The following FAM135A variants were observed in gnomAD, a reference collection of about 807,000 sequenced individuals.
FAM135A encodes family with sequence similarity 135 member A.
In FAM135A, 79 loss-of-function variants were observed where a neutral mutation model predicts 146.8. The ratio of observed to expected loss-of-function variants is 0.54; its 90% CI spans 0.45 to 0.65. The LOEUF (loss-of-function observed/expected upper bound fraction) is 0.65. Among genes scored for constraint, FAM135A ranks in the 30% least tolerant of loss-of-function variants. The pLI is 0.00. For missense variants in FAM135A, 1,623 were observed against 1,758.2 expected (o/e 0.92, Z 1.38); for synonymous variants, 562 against 603.6 (o/e 0.93, Z 1.01).
intron 5 of FAM135A, among the ~76,000 whole-genome samples, chr6:70,473,958 C>A (rs1274793506): frequency 6.6e-6 from 1 of 152,122 alleles, no homozygotes; most frequent in Non-Finnish European, 1.5e-5. Flanking sequence ...CTTGTGGTTG[C>A]CCTGTTCATC....
intron 4 of FAM135A, among the ~76,000 whole-genome samples, chr6:70,431,012 T>C (rs1383742987): frequency 3.3e-5 from 5 of 152,194 alleles, no homozygotes. Context: ...TAGTGTAAGA[T>C]AGCATATTAC....
intron 2 of FAM135A, chr6:70,417,666 G>A (rs1330743950): frequency 2.0e-6 from 2 of 978,656 alleles, no homozygotes; most frequent in Non-Finnish European, 2.4e-6. Flanking sequence ...TTAGAGCAGT[G>A]TTAACTATGA....
intron 4 of FAM135A, among the ~76,000 whole-genome samples, chr6:70,432,027 A>G (rs1490914789): frequency 2.6e-5 from 4 of 152,124 alleles, no homozygotes; most frequent in Non-Finnish European, 4.4e-5. Flanking sequence ...ATGTGAAATC[A>G]CTTTGCTTAA....
In FAM135A at chr6:70,481,871, ACAT is replaced by A. The variant is rs1383251370; in HGVS notation, c.670-129_670-127del. 4.6e-6 allele frequency: 4 copies of A among 862,076 alleles called. No individual in the cohort carries two copies. The African/African-American group carries it at 7.1e-5, about 15-fold the overall frequency. 53.4% of individuals were successfully genotyped at this position (862,076 alleles called of 1,614,324 possible). A position where few individuals can be genotyped will look rare whatever the true frequency, so the allele number is the denominator to read the frequency against. On this transcript the variant is annotated intron_variant, in intron 9 of 21. Coordinates refer to ENST00000418814, the MANE Select transcript of FAM135A (RefSeq NM_001162529.3). ...GTATAAACAACTCTCAAATATTACC[ACAT>A]TTTTTATATGTATTAGAATAAATTT...
At chr6:70,457,420 A>G (rs770526698) in intron 5 of FAM135A, among the ~76,000 whole-genome samples, 5 of 152,236 alleles carry the variant, frequency 3.3e-5, no homozygotes, top group Non-Finnish European at 5.9e-5. Flanking sequence ...TGCATTAACA[A>G]TGTGAATATT....
intron 8 of FAM135A, among the ~76,000 whole-genome samples, chr6:70,479,694 G>C (rs944850719): frequency 5.3e-5 from 8 of 151,562 alleles, no homozygotes; most frequent in African/African-American, 1.7e-4. Context: ...ATTATTGGTG[G>C]GTTTTTTTAT....
intron 5 of FAM135A, 82 bp downstream of exon 5, chr6:70,452,653 A>C: frequency 3.7e-5 from 34 of 925,328 alleles, no homozygotes; most frequent in Non-Finnish European, 5.2e-5. Flanking sequence ...TTACAGATAT[A>C]AGATACCTGT....
chr6:70,473,272 C>A (rs933255616), intron 5 of FAM135A, among the ~76,000 whole-genome samples: 1 of 152,152 alleles, frequency 6.6e-6, no homozygotes, highest in Non-Finnish European at 1.5e-5. Flanking sequence ...TTGGAACCAA[C>A]CATTTCTACA....
At chr6:70,528,509 GATCTC>G (rs1288462511) in intron 16 of FAM135A, 57 bp downstream of exon 16, 16 of 1,371,946 alleles carry the variant, frequency 1.2e-5, no homozygotes, top group Middle Eastern at 3.9e-4. Flanking sequence ...TTTCCTAATA[GATCTC>G]ATTTAGTTTC....
At chr6:70,510,066 G>A (rs867209207) in intron 12 of FAM135A, among the ~76,000 whole-genome samples, 1 of 151,958 alleles carries the variant, frequency 6.6e-6, no homozygotes, top group Non-Finnish European at 1.5e-5. Flanking sequence ...AAGAGAACAT[G>A]CCATTTGCTG....
intron 10 of FAM135A, among the ~76,000 whole-genome samples, chr6:70,487,083 C>CAAAAAAAAA (rs34560435): frequency 9.9e-5 from 4 of 40,606 alleles, no homozygotes; most frequent in African/African-American, 2.3e-4. Context: ...ACTCCCATCT[C>CAAAAAAAAA]AAAAAAAAAA....
chr6:70,419,306 C>A (rs1292448924), intron 2 of FAM135A, among the ~76,000 whole-genome samples: 1 of 152,108 alleles, frequency 6.6e-6, no homozygotes, highest in Non-Finnish European at 1.5e-5. Context: ...GTAGTCCCAG[C>A]TGCTTGGGAG....
chr6:70,507,612 A>T (rs1790081435), intron 12 of FAM135A, among the ~76,000 whole-genome samples: 3 of 152,186 alleles, frequency 2.0e-5, no homozygotes, highest in Admixed American at 2.0e-4. Context: ...TACTGGTTCA[A>T]CTATATTATT....
At chr6:70,455,484 A>G (rs1408315877) in intron 5 of FAM135A, among the ~76,000 whole-genome samples, 1 of 152,180 alleles carries the variant, frequency 6.6e-6, no homozygotes, top group Non-Finnish European at 1.5e-5. Flanking sequence ...AAAATGAAAA[A>G]GAATTTATTC....
intron 12 of FAM135A, among the ~76,000 whole-genome samples, chr6:70,506,741 T>C (rs1789860433): frequency 6.6e-6 from 1 of 151,120 alleles, no homozygotes; most frequent in Non-Finnish European, 1.5e-5. Context: ...GTTTTTTCTT[T>C]TTTTTTTTTT....
chr6:70,471,660 C>T (rs1781638795), intron 5 of FAM135A, among the ~76,000 whole-genome samples: 1 of 152,110 alleles, frequency 6.6e-6, no homozygotes. Flanking sequence ...TGCAGCAAAC[C>T]ACCATGCACA....
Position 70,450,288 on chromosome 6 carries a change from CTA to C in FAM135A, c.78-2202_78-2201del, listed in dbSNP as rs1265788666. On this transcript the variant is annotated intron_variant, in intron 4 of 21. Transcript: ENST00000418814. Reference sequence around the variant, plus strand: ...TTTAATTTGGCGTAATCTTATTTGTCTATGTTTGCTTTTGTTGCCTATGTTTT... The same window carrying C: ...TTTAATTTGGCGTAATCTTATTTGTCTGTTTGCTTTTGTTGCCTATGTTTT... Among the ~76,000 whole-genome samples, 12 of 152,022 alleles carry C rather than the reference CTA, an allele frequency of 7.9e-5. No homozygotes were observed. In the East Asian group the frequency reaches 1.9e-3, roughly 24 times the overall value.
Position 70,428,463 on chromosome 6 carries a change from A to G in FAM135A, c.77+44A>G, listed in dbSNP as rs755734178. On this transcript the variant is annotated intron_variant, in intron 4 of 21. Transcript: ENST00000418814. ...AAATGATATATTTTGCATAAGATGT[A>G]CAGTTTAAATTTAAATTTAATTACA... 62 of 1,354,360 alleles carry G rather than the reference A, an allele frequency of 4.6e-5. 1 individual carries two copies. In the South Asian group the frequency reaches 8.3e-4, roughly 18 times the overall value. 83.9% of individuals were successfully genotyped at this position (1,354,360 alleles called of 1,614,324 possible).
chr6:70,524,443 T>C lies in FAM135A; in HGVS notation c.1359T>C (p.Ser453=). The change falls in exon 15 of 22, where the codon TCT becomes TCC. Residue 453 remains serine, a synonymous_variant. Transcript: ENST00000418814. The part of the protein sequence containing the change: ...ETEESSVAGL[S]SPELKVRPAG... ...AAGAAAGCTCTGTAGCAGGACTTTC[T>C]AGCCCAGAGTTGAAAGTCAGACCTG... 6.5e-7 allele frequency: 1 copy of C among 1,548,774 alleles called. No homozygotes were observed. Among genetic ancestry groups the C allele is most frequent in the Non-Finnish European group, 8.7e-7 (1 of 1,146,170 alleles).
Sources: allele counts gnomAD v4.1 joint callset (sites outside exome capture counted in the v4.1 genomes callset), GRCh38; gene constraint gnomAD v4.1.1; transcripts MANE v1.5; gene names NCBI Gene and HGNC (gene_info 2026-07-23, HGNC 2026-07-21).